PPARGC1A: variants seen among roughly 807,000 people sequenced by gnomAD.
PPARGC1A encodes the protein PPARG coactivator 1 alpha, also known as peroxisome proliferator-activated receptor gamma coactivator 1-alpha.
In PPARGC1A, 25 loss-of-function variants were observed where a neutral mutation model predicts 88.7. That is an observed-to-expected ratio of 0.28 (90% CI 0.21 to 0.39). The LOEUF (loss-of-function observed/expected upper bound fraction) is 0.39, where lower values mean the gene tolerates loss of function less well. Among genes scored for constraint, PPARGC1A ranks in the 10% least tolerant of loss-of-function variants. PPARGC1A has a pLI of 1.00. For missense variants in PPARGC1A, 880 were observed against 968.7 expected, an observed-to-expected ratio of 0.91 and a Z score of 1.22; for synonymous variants, 363 against 355.6, an observed-to-expected ratio of 1.02 and a Z score of -0.24.
chr4:24,186,729 G>T, the PPARGC1A span, among the ~76,000 whole-genome samples: 3 of 151,888 alleles, frequency 2.0e-5, no homozygotes, highest in Admixed American at 2.0e-4. Flanking sequence ...TCTGGGGCAC[G>T]ATGGCTCTTT....
the PPARGC1A span, among the ~76,000 whole-genome samples, chr4:24,471,322 CCACACACAGACACACACCCGCGTG>C: frequency 3.3e-5 from 5 of 151,380 alleles, no homozygotes; most frequent in African/African-American, 1.2e-4. The surrounding 1 kb of genome is among the most constrained non-coding windows in gnomAD (Gnocchi z 5.4). Context: ...GCGCGCACAC[CCACACACAGACACACACCCGCGTG>C]CACACACACA....
At chr4:24,042,168 ACTGT>A in the PPARGC1A span, among the ~76,000 whole-genome samples, 1 of 152,174 alleles carries the variant, frequency 6.6e-6, no homozygotes, top group African/African-American at 2.4e-5. Context: ...TTAAAGTTCT[ACTGT>A]CTACCAGCCC....
chr4:24,069,685 AATACT>A, the PPARGC1A span, among the ~76,000 whole-genome samples: 1 of 152,222 alleles, frequency 6.6e-6, no homozygotes, highest in Non-Finnish European at 1.5e-5. Flanking sequence ...AGAATAAGTA[AATACT>A]ATAGGAGTCC....
At chr4:23,861,430 T>C (rs906617965) in intron 2 of PPARGC1A, among the ~76,000 whole-genome samples, 1 of 152,210 alleles carries the variant, frequency 6.6e-6, no homozygotes, top group Non-Finnish European at 1.5e-5. Context: ...AAGTTAAATG[T>C]CATTCATTCA....
At chr4:23,887,000 T>A (rs1398767505) in intron 1 of PPARGC1A, among the ~76,000 whole-genome samples, 1 of 152,170 alleles carries the variant, frequency 6.6e-6, no homozygotes, top group Non-Finnish European at 1.5e-5. Flanking sequence ...TAAAGTAGCA[T>A]ACTGATTTGT....
the PPARGC1A span, among the ~76,000 whole-genome samples, chr4:24,143,756 A>G: frequency 6.6e-6 from 1 of 152,228 alleles, no homozygotes; most frequent in African/African-American, 2.4e-5. Flanking sequence ...GCTAGGAATA[A>G]AGTTATAAAT....
chr4:24,319,442 A>T, the PPARGC1A span, among the ~76,000 whole-genome samples: 3 of 152,244 alleles, frequency 2.0e-5, no homozygotes, highest in Non-Finnish European at 4.4e-5. Flanking sequence ...AAGTGTCAAG[A>T]AAGATAGACT....
At chr4:24,469,626 T>C in the PPARGC1A span, among the ~76,000 whole-genome samples, 1 of 152,164 alleles carries the variant, frequency 6.6e-6, no homozygotes, top group Non-Finnish European at 1.5e-5. Context: ...CGAGAGCCAA[T>C]CATTCTCCAG....
the PPARGC1A span, among the ~76,000 whole-genome samples, chr4:24,273,491 T>C: frequency 0.87 from 133,091 of 152,124 alleles, 58,315 homozygotes; most frequent in East Asian, 1. Flanking sequence ...TTCCCATTAT[T>C]AGAGACACTG....
At position 23,844,725 on chromosome 4, in the gene PPARGC1A, T is replaced by TATATATATATTATA. The variant is rs1387339718; in HGVS notation, c.235-12975_235-12974insTATAATATATATAT. 2.1e-3 allele frequency among the ~76,000 whole-genome samples: 191 copies of TATATATATATTATA among 90,518 alleles called. 4 individuals carry two copies. Among genetic ancestry groups the TATATATATATTATA allele is most frequent in the African/African-American group, 4.3e-3 (87 of 20,308 alleles). The allele number at this position is 90,518 out of a possible 152,430, so 59.4% of individuals were successfully genotyped here. On this transcript the variant is annotated intron_variant, in intron 2 of 12. Transcript: ENST00000264867. ...TATCATAATATATGATATATATTAT[T>TATATATATATTATA]ATAATATATGATATATCATAATATA...
chr4:24,348,565 T>C, the PPARGC1A span, among the ~76,000 whole-genome samples: 1 of 152,216 alleles, frequency 6.6e-6, no homozygotes. Flanking sequence ...CTTGGAGCTC[T>C]GAATTTCTTT....
At chr4:24,127,536 T>C in the PPARGC1A span, among the ~76,000 whole-genome samples, 1 of 152,030 alleles carries the variant, frequency 6.6e-6, no homozygotes. Flanking sequence ...TATATATATA[T>C]ATACACACAC....
At chr4:24,337,693 GAA>G in the PPARGC1A span, among the ~76,000 whole-genome samples, 783 of 127,302 alleles carry the variant, frequency 6.2e-3, 6 homozygotes, top group African/African-American at 0.011. Context: ...TTTTACAAAT[GAA>G]AAAAAAAAAA....
chr4:23,886,440 T>TG (rs963363330), intron 1 of PPARGC1A, among the ~76,000 whole-genome samples: 2 of 151,816 alleles, frequency 1.3e-5, no homozygotes, highest in South Asian at 2.1e-4. Context: ...AAGGGGAGGA[T>TG]GGGGGGAGAC....
chr4:23,834,690 T>C (rs1268942896), intron 2 of PPARGC1A, among the ~76,000 whole-genome samples: 1 of 152,158 alleles, frequency 6.6e-6, no homozygotes, highest in African/African-American at 2.4e-5. Flanking sequence ...TCAATATGCC[T>C]TTGAAAGGAC....
intron 12 of PPARGC1A, among the ~76,000 whole-genome samples, chr4:23,800,960 TTTC>T (rs1718565906): frequency 6.7e-6 from 1 of 149,354 alleles, no homozygotes; most frequent in Non-Finnish European, 1.5e-5. Context: ...ATAACAGGTG[TTTC>T]TTTCTTTTTT....
At chr4:24,033,410 G>GAC in the PPARGC1A span, among the ~76,000 whole-genome samples, 22,517 of 150,824 alleles carry the variant, frequency 0.15, 2,024 homozygotes, top group Admixed American at 0.24. Context: ...TAGACAGACA[G>GAC]ACACACACAC....
At chr4:24,100,001 C>T in the PPARGC1A span, among the ~76,000 whole-genome samples, 3 of 150,882 alleles carry the variant, frequency 2.0e-5, no homozygotes, top group African/African-American at 2.4e-5. Context: ...AGGGATAGCA[C>T]TAGGAGATAT....
the PPARGC1A span, among the ~76,000 whole-genome samples, chr4:24,424,896 G>A: frequency 6.6e-6 from 1 of 152,170 alleles, no homozygotes; most frequent in Non-Finnish European, 1.5e-5. Context: ...TTCGTAGAGG[G>A]CAGAGCCAGT....
Sources: allele counts gnomAD v4.1 joint callset (sites outside exome capture counted in the v4.1 genomes callset), GRCh38; gene constraint gnomAD v4.1.1; non-coding constraint Gnocchi (gnomAD v3.1); transcripts MANE v1.5; gene names NCBI Gene and HGNC (gene_info 2026-07-23, HGNC 2026-07-21).